Variants in JARID2 observed in about 807,000 individuals in gnomAD.
JARID2 encodes jumonji and AT-rich interaction domain containing 2, also known as protein Jumonji.
Under a neutral mutation model 125.6 loss-of-function variants are expected in JARID2, and 21 were observed. That is an observed-to-expected ratio of 0.17 (90% CI 0.12 to 0.24). The LOEUF is 0.24. Among genes scored for constraint, JARID2 ranks in the 10% least tolerant of loss-of-function variants. The probability of loss-of-function intolerance (pLI) is 1.00; values close to 1 mark genes in which losing one functional copy is unlikely to be tolerated. For synonymous variants in JARID2, 736 were observed against 661.6 expected, an observed-to-expected ratio of 1.11 and a Z score of -1.73; for missense variants, 1,303 against 1,639.6, an observed-to-expected ratio of 0.79 and a Z score of 3.55.
At chr6:15,369,560 G>A (rs1216102865) in intron 1 of JARID2, among the ~76,000 whole-genome samples, 1 of 152,208 alleles carries the variant, frequency 6.6e-6, no homozygotes, top group African/African-American at 2.4e-5. Flanking sequence ...AACCCTGACT[G>A]ATTCTACCAA....
At chr6:15,518,119 C>G (rs1327749675) in intron 17 of JARID2, among the ~76,000 whole-genome samples, 3 of 152,270 alleles carry the variant, frequency 2.0e-5, no homozygotes, top group Admixed American at 6.5e-5. Context: ...TAAGCACCTG[C>G]TGTGTCCCTC....
At chr6:15,332,159 A>C (rs1195318886) in intron 1 of JARID2, among the ~76,000 whole-genome samples, 1 of 152,206 alleles carries the variant, frequency 6.6e-6, no homozygotes, top group Non-Finnish European at 1.5e-5. Context: ...GCTAGGAAAA[A>C]ATTCCGACAA....
intron 4 of JARID2, among the ~76,000 whole-genome samples, chr6:15,457,301 C>T (rs1768230495): frequency 6.6e-6 from 1 of 152,182 alleles, no homozygotes; most frequent in South Asian, 2.1e-4. Flanking sequence ...TGTTGAAGCC[C>T]TTTCAGGCAA....
At chr6:15,337,739 TC>T in intron 1 of JARID2, among the ~76,000 whole-genome samples, 1 of 147,572 alleles carries the variant, frequency 6.8e-6, no homozygotes, top group Non-Finnish European at 1.5e-5. Flanking sequence ...GTGAGAAGGG[TC>T]CCCCTCCCAA....
rs115722286 is a variant in JARID2, at chr6:15,442,188, C to T, written c.324-9818C>T. 3.0e-3 allele frequency among the ~76,000 whole-genome samples: 448 copies of T among 151,504 alleles called. 3 individuals carry two copies. Among genetic ancestry groups the T allele is most frequent in the Middle Eastern group, 0.01 (3 of 290 alleles). ...TTGCCTTTCCAAACATGCCCATTGC[C>T]AGGAGAGTTCTGGCAATTTGCAGTT... is the stretch of plus-strand genomic sequence containing the variant. On this transcript the variant is annotated intron_variant, in intron 3 of 17. Coordinates refer to ENST00000341776, the MANE Select transcript of JARID2 (RefSeq NM_004973.4).
intron 5 of JARID2, among the ~76,000 whole-genome samples, chr6:15,482,753 A>T (rs1769683154): frequency 6.6e-6 from 1 of 152,234 alleles, no homozygotes; most frequent in Admixed American, 6.5e-5. Flanking sequence ...GTAGTTTCCT[A>T]CAGGTCAGTT....
At chr6:15,472,397 C>T (rs1769120903) in intron 5 of JARID2, among the ~76,000 whole-genome samples, 1 of 152,170 alleles carries the variant, frequency 6.6e-6, no homozygotes, top group Admixed American at 6.5e-5. Flanking sequence ...CCTTTCTGTG[C>T]TTCCTTTTCT....
chr6:15,453,437 C>G (rs1410247721), intron 4 of JARID2, among the ~76,000 whole-genome samples: 2 of 152,228 alleles, frequency 1.3e-5, no homozygotes, highest in Non-Finnish European at 2.9e-5. Context: ...GGAAGTGATT[C>G]CTCCTCCTTG....
intron 5 of JARID2, among the ~76,000 whole-genome samples, chr6:15,469,680 A>G (rs1581609335): frequency 1.3e-5 from 2 of 151,872 alleles, no homozygotes; most frequent in South Asian, 2.1e-4. Context: ...TGAAGCCGGC[A>G]TCGATGATGA....
At chr6:15,454,850 G>T (rs886589207) in intron 4 of JARID2, among the ~76,000 whole-genome samples, 1 of 152,118 alleles carries the variant, frequency 6.6e-6, no homozygotes, top group South Asian at 2.1e-4. Flanking sequence ...TGGAAAGGAA[G>T]CTGTGAGAAC....
chr6:15,357,432 C>A (rs544988173), intron 1 of JARID2, among the ~76,000 whole-genome samples: 2 of 152,184 alleles, frequency 1.3e-5, no homozygotes, highest in Non-Finnish European at 2.9e-5. Flanking sequence ...GTGATTTAAA[C>A]ATTACATGTC....
rs576107698 is a variant in JARID2, at chr6:15,478,957, G to T, written c.671-8350G>T. Among the ~76,000 whole-genome samples the T allele has an allele frequency of 5.3e-5, 8 of 152,316 alleles. No homozygotes were observed. In the South Asian group the frequency reaches 1.7e-3, roughly 32 times the overall value. On this transcript the variant is annotated intron_variant, in intron 5 of 17. Coordinates refer to ENST00000341776, the MANE Select transcript of JARID2 (RefSeq NM_004973.4). ...TGAGATTACAGGTGTGAGCCACCGT[G>T]CCCGGCCGGATTTAGGGTTTTATGA...
At position 15,496,842 on chromosome 6, in the gene JARID2, G is replaced by A. The variant is rs375600114; in HGVS notation, c.1617G>A (p.Ser539=). 10 of 1,602,058 alleles carry A rather than the reference G, an allele frequency of 6.2e-6. No homozygotes were observed. In the African/African-American group the frequency reaches 9.4e-5, roughly 15 times the overall value. Residue 539 remains serine, a synonymous_variant, in exon 7 of 18, where the codon TCG becomes TCA. Transcript: ENST00000341776. ...QPESVHKPQD[S]GKAEKGGGKA... ...AGTCCGTGCACAAGCCGCAGGACTCGGGCAAGGCCGAGAAGGGCGGCGGCA... is the reference window on the plus strand; with the variant it reads ...AGTCCGTGCACAAGCCGCAGGACTCAGGCAAGGCCGAGAAGGGCGGCGGCA...
intron 7 of JARID2, among the ~76,000 whole-genome samples, chr6:15,497,941 A>G (rs1205262861): frequency 1.3e-5 from 2 of 152,058 alleles, no homozygotes; most frequent in Admixed American, 6.5e-5. Context: ...TCCTACCTCT[A>G]TGTGTGTCTG....
At chr6:15,383,302 G>A (rs1214944712) in intron 2 of JARID2, among the ~76,000 whole-genome samples, 2 of 110,008 alleles carry the variant, frequency 1.8e-5, no homozygotes, top group Non-Finnish European at 3.8e-5. Flanking sequence ...GCCCAGGTTG[G>A]GATTTTTTTT....
At chr6:15,426,138 A>C (rs945540428) in intron 3 of JARID2, among the ~76,000 whole-genome samples, 2 of 152,082 alleles carry the variant, frequency 1.3e-5, no homozygotes, top group Admixed American at 6.6e-5. Flanking sequence ...TTGGGAGGGG[A>C]CAGCAGCTAC....
chr6:15,441,204 T>A (rs1767431575), intron 3 of JARID2, among the ~76,000 whole-genome samples: 1 of 152,198 alleles, frequency 6.6e-6, no homozygotes, highest in Non-Finnish European at 1.5e-5. Context: ...AATAGCTGGA[T>A]TGTATATTCC....
chr6:15,281,120 A>G (rs1374316195), intron 1 of JARID2, among the ~76,000 whole-genome samples: 1 of 152,188 alleles, frequency 6.6e-6, no homozygotes, highest in Non-Finnish European at 1.5e-5. Context: ...TCAGTGTGTC[A>G]GTGTTTGGTG....
chr6:15,249,997 A>C (rs554445813), intron 1 of JARID2, among the ~76,000 whole-genome samples: 1 of 152,162 alleles, frequency 6.6e-6, no homozygotes, highest in Non-Finnish European at 1.5e-5. Context: ...TCCTAGGGAG[A>C]ATAACAGATA....
Sources: allele counts gnomAD v4.1 joint callset (sites outside exome capture counted in the v4.1 genomes callset), GRCh38; gene constraint gnomAD v4.1.1; transcripts MANE v1.5; gene names NCBI Gene and HGNC (gene_info 2026-07-23, HGNC 2026-07-21).